MYO9A: variants seen among roughly 807,000 people sequenced by gnomAD.
The protein encoded by MYO9A is unconventional myosin-IXa.
Under a neutral mutation model 293.3 loss-of-function variants are expected in MYO9A, and 103 were observed. That is an observed-to-expected ratio of 0.35 (90% CI 0.30 to 0.41). The LOEUF is 0.41. Ranked by LOEUF, MYO9A falls within the 10% of genes least tolerant of loss-of-function variation. The probability of loss-of-function intolerance (pLI) is 1.00; values close to 1 mark genes in which losing one functional copy is unlikely to be tolerated. For missense variants in MYO9A, 2,685 were observed against 3,033.0 expected (o/e 0.89, Z 2.69); for synonymous variants, 1,001 against 1,035.7 (o/e 0.97, Z 0.64).
intron 23 of MYO9A, 22 bp from the exon 24 acceptor site, chr15:71,900,028 A>C: frequency 6.3e-7 from 1 of 1,578,372 alleles, no homozygotes; most frequent in Non-Finnish European, 8.6e-7. Context: ...ACAAAATAAC[A>C]GAAACTGGTT....
At chr15:72,082,449 T>C (rs907590832) in intron 1 of MYO9A, among the ~76,000 whole-genome samples, 4 of 152,196 alleles carry the variant, frequency 2.6e-5, no homozygotes, top group Non-Finnish European at 5.9e-5. Context: ...TTTCTAAATA[T>C]AGTCATGTCA....
At chr15:71,919,172 G>A (rs943605084) in intron 18 of MYO9A, among the ~76,000 whole-genome samples, 2 of 152,070 alleles carry the variant, frequency 1.3e-5, no homozygotes, top group Admixed American at 6.6e-5. Flanking sequence ...GCAGTGCCAC[G>A]CACTGTGGCT....
intron 12 of MYO9A, among the ~76,000 whole-genome samples, chr15:71,977,133 T>C (rs894694923): frequency 6.6e-6 from 1 of 152,242 alleles, no homozygotes; most frequent in Non-Finnish European, 1.5e-5. Context: ...CTCAGTTATA[T>C]TGAACAGTGT....
At chr15:71,882,010 T>C (rs1345840404) in intron 28 of MYO9A, among the ~76,000 whole-genome samples, 1 of 152,172 alleles carries the variant, frequency 6.6e-6, no homozygotes. Flanking sequence ...AGCCATAAGA[T>C]ACAAAAACAG....
intron 1 of MYO9A, among the ~76,000 whole-genome samples, chr15:72,047,001 CA>C (rs1282509541): frequency 2.6e-5 from 4 of 152,104 alleles, no homozygotes; most frequent in African/African-American, 9.7e-5. Flanking sequence ...ACAGAATAAC[CA>C]TGCAAATCTA....
At chr15:71,831,718 T>C (rs1005844465) in intron 39 of MYO9A, among the ~76,000 whole-genome samples, 2 of 152,170 alleles carry the variant, frequency 1.3e-5, no homozygotes, top group Non-Finnish European at 2.9e-5. Flanking sequence ...CCTCAAAATA[T>C]TTTAAAAATA....
chr15:71,995,100 A>C (rs2076660497), intron 9 of MYO9A, among the ~76,000 whole-genome samples: 1 of 152,254 alleles, frequency 6.6e-6, no homozygotes, highest in African/African-American at 2.4e-5. Context: ...AACTGCCATT[A>C]AAGATAAGAG....
chr15:71,987,721 T>C (rs2076441012), intron 11 of MYO9A, among the ~76,000 whole-genome samples: 1 of 152,224 alleles, frequency 6.6e-6, no homozygotes, highest in African/African-American at 2.4e-5. Context: ...ATATTGAAGA[T>C]TTTTCCTACA....
At chr15:71,959,848 T>TAAA (rs5813671) in intron 14 of MYO9A, 53 bp downstream of exon 14, 1,259 of 1,147,822 alleles carry the variant, frequency 1.1e-3, no homozygotes, top group Non-Finnish European at 1.3e-3. Flanking sequence ...AGTAGAAAGG[T>TAAA]AAAAAAAAAA....
intron 1 of MYO9A, among the ~76,000 whole-genome samples, chr15:72,091,804 C>T (rs201504390): frequency 1.3e-5 from 2 of 151,842 alleles, no homozygotes; most frequent in African/African-American, 4.8e-5. Flanking sequence ...AGCTCCGCCT[C>T]CCAGGTTCAC....
At chr15:71,971,038 G>A (rs981987722) in intron 12 of MYO9A, among the ~76,000 whole-genome samples, 5 of 151,994 alleles carry the variant, frequency 3.3e-5, no homozygotes, top group African/African-American at 1.2e-4. Flanking sequence ...GCGGGCGCCT[G>A]TAGTCCCAGC....
intron 26 of MYO9A, 86 bp downstream of exon 26, chr15:71,893,593 G>A (rs1031835460): frequency 2.7e-5 from 27 of 1,017,282 alleles, no homozygotes; most frequent in Non-Finnish European, 3.6e-5. Context: ...GGTAGATGAG[G>A]TGCTCTACCT....
intron 13 of MYO9A, among the ~76,000 whole-genome samples, chr15:71,962,020 A>G (rs1384635589): frequency 6.6e-6 from 1 of 152,138 alleles, no homozygotes; most frequent in African/African-American, 2.4e-5. Context: ...CATTGTGCCC[A>G]GCCAGCACAC....
At chr15:71,860,996 C>CAAAAAAAAAAAAAAAAAAA (rs2056099523) in intron 33 of MYO9A, among the ~76,000 whole-genome samples, 4 of 99,266 alleles carry the variant, frequency 4.0e-5, no homozygotes, top group Admixed American at 1.0e-4. Flanking sequence ...AAAAAAAAAT[C>CAAAAAAAAAAAAAAAAAAA]AAACCAGCCC....
intron 15 of MYO9A, among the ~76,000 whole-genome samples, chr15:71,939,770 T>C (rs2058728215): frequency 6.6e-6 from 1 of 152,248 alleles, no homozygotes; most frequent in Non-Finnish European, 1.5e-5. Flanking sequence ...AGGCTATCAA[T>C]TTTTATAACA....
chr15:71,869,997 C>T (rs185524896), intron 32 of MYO9A, among the ~76,000 whole-genome samples: 1 of 152,286 alleles, frequency 6.6e-6, no homozygotes, highest in East Asian at 1.9e-4. Context: ...TCTATCTAAA[C>T]TTTACTTCTC....
At chr15:71,903,300 G>A (rs1029442886) in intron 21 of MYO9A, among the ~76,000 whole-genome samples, 5 of 152,012 alleles carry the variant, frequency 3.3e-5, no homozygotes, top group African/African-American at 1.2e-4. Flanking sequence ...AAAGGCAGAG[G>A]CTAATTATCC....
rs548310292 is a variant in MYO9A at position 72,030,651 on chromosome 15, A to G, written c.935+1843T>C. Among the ~76,000 whole-genome samples the G allele has an allele frequency of 2.6e-4, 39 of 152,030 alleles. 1 individual carries two copies. Among genetic ancestry groups the G allele is most frequent in the African/African-American group, 8.9e-4 (37 of 41,476 alleles). Reference sequence around the variant, plus strand: ...TGATTCTTCCACCTCAGCCTCCTGAACAGCTGGGTCCACAGGCACGTGCCA... The same window carrying G: ...TGATTCTTCCACCTCAGCCTCCTGAGCAGCTGGGTCCACAGGCACGTGCCA... On this transcript the variant is annotated intron_variant, in intron 3 of 41. Transcript: ENST00000356056.
intron 1 of MYO9A, among the ~76,000 whole-genome samples, chr15:72,109,962 G>A (rs1310836761): frequency 6.8e-6 from 1 of 146,380 alleles, no homozygotes; most frequent in African/African-American, 2.5e-5. Context: ...TGTCCACACA[G>A]TCACCTAAGA....
Sources: gnomAD v4.1 joint callset for allele counts (sites outside exome capture counted in the v4.1 genomes callset) on GRCh38, gnomAD v4.1.1 for gene constraint, MANE v1.5 for transcripts, NCBI Gene and HGNC (gene_info 2026-07-23, HGNC 2026-07-21) for gene names.